Variants in DSCAM observed in about 807,000 individuals in gnomAD.
DSCAM encodes the protein cell adhesion molecule DSCAM.
In DSCAM, 47 loss-of-function variants were observed where a neutral mutation model predicts 217.7. That is an observed-to-expected ratio of 0.22 (90% CI 0.17 to 0.28). The LOEUF (loss-of-function observed/expected upper bound fraction) is 0.28. DSCAM is among the 10% of genes least tolerant of loss of function. The probability of loss-of-function intolerance (pLI) is 1.00; values close to 1 mark genes in which losing one functional copy is unlikely to be tolerated. For missense variants in DSCAM, 2,080 were observed against 2,618.3 expected (o/e 0.79, Z 4.49); for synonymous variants, 1,056 against 1,015.3 (o/e 1.04, Z -0.76).
chr21:40,339,150 G>A lies in DSCAM; in HGVS notation c.1476C>T (p.Val492=), dbSNP rs1345012604. ...YRCTANNSAG[V]VLYQARINVR... The stretch of plus-strand genomic sequence containing the variant: ...CGTTTATTCGAGCCTGGTACAGGAC[G>A]ACTCCCGCCGAGTTGTTGGCAGTGC... The change falls in exon 7 of 33, where the codon GTC becomes GTT. Residue 492 remains valine (V), a synonymous_variant. Coordinates refer to ENST00000400454, the MANE Select transcript of DSCAM (RefSeq NM_001389.5). 5.0e-6 allele frequency: 8 copies of A among 1,614,002 alleles called. No homozygotes were observed. The African/African-American group carries it at 9.3e-5, about 19-fold the overall frequency.
At chr21:40,417,090 A>T (rs2075379197) in intron 3 of DSCAM, among the ~76,000 whole-genome samples, 1 of 152,208 alleles carries the variant, frequency 6.6e-6, no homozygotes, top group South Asian at 2.1e-4. Context: ...CATTTCCAAT[A>T]TGACAACTCC....
At chr21:40,665,727 ACC>A (rs1215632020) in intron 3 of DSCAM, among the ~76,000 whole-genome samples, 1 of 152,150 alleles carries the variant, frequency 6.6e-6, no homozygotes, top group African/African-American at 2.4e-5. Flanking sequence ...CACCCTGGGC[ACC>A]CCATCTGTGC....
At chr21:40,802,364 C>T (rs1197128961) in intron 1 of DSCAM, among the ~76,000 whole-genome samples, 1 of 152,180 alleles carries the variant, frequency 6.6e-6, no homozygotes, top group Non-Finnish European at 1.5e-5. Context: ...TTCACAGACT[C>T]ACAGATGAGA....
intron 10 of DSCAM, among the ~76,000 whole-genome samples, chr21:40,291,124 T>A (rs1253275276): frequency 6.6e-6 from 1 of 152,142 alleles, no homozygotes; most frequent in Admixed American, 6.5e-5. Flanking sequence ...TGCCTGGGGT[T>A]CTCCCCTTTT....
rs547837646 is a variant in DSCAM at position 40,489,399 on chromosome 21, A to G, written c.509-120154T>C. Among the ~76,000 whole-genome samples the G allele has an allele frequency of 1.4e-4, 21 of 152,198 alleles. 1 individual carries two copies. In the South Asian group the frequency reaches 4.4e-3, roughly 32 times the overall value. Reference sequence around the variant, plus strand: ...ACATTTGCTCTTCTCAAGGTCTCCAACCTCTTGGCCCACCCTGCAGATTCT... The same window carrying G: ...ACATTTGCTCTTCTCAAGGTCTCCAGCCTCTTGGCCCACCCTGCAGATTCT... On this transcript the variant is annotated intron_variant, in intron 3 of 32. Transcript: ENST00000400454.
intron 11 of DSCAM, among the ~76,000 whole-genome samples, chr21:40,204,747 T>C (rs1601438730): frequency 6.6e-6 from 1 of 152,210 alleles, no homozygotes; most frequent in Non-Finnish European, 1.5e-5. Context: ...AACTGAACTG[T>C]AGTATTAATG....
intron 9 of DSCAM, among the ~76,000 whole-genome samples, chr21:40,300,460 T>C (rs975814674): frequency 6.6e-6 from 1 of 152,218 alleles, no homozygotes; most frequent in African/African-American, 2.4e-5. Context: ...AGCCCCTCTG[T>C]CCACCCGGCT....
intron 3 of DSCAM, among the ~76,000 whole-genome samples, chr21:40,491,947 C>G (rs2146013805): frequency 6.6e-6 from 1 of 152,294 alleles, no homozygotes; most frequent in Non-Finnish European, 1.5e-5. Flanking sequence ...AACATTTGAT[C>G]ATACTATGTA....
At chr21:40,771,662 C>A (rs1478803067) in intron 1 of DSCAM, among the ~76,000 whole-genome samples, 3 of 152,140 alleles carry the variant, frequency 2.0e-5, no homozygotes, top group Non-Finnish European at 1.5e-5. Flanking sequence ...CAAGAGCCAG[C>A]GAAAGGAAGT....
At chr21:40,627,314 G>A (rs907628042) in intron 3 of DSCAM, among the ~76,000 whole-genome samples, 2 of 152,190 alleles carry the variant, frequency 1.3e-5, no homozygotes, top group African/African-American at 2.4e-5. Flanking sequence ...TAAAAATTAT[G>A]TAGCATTAGA....
At chr21:40,263,769 G>T (rs1473819040) in intron 11 of DSCAM, among the ~76,000 whole-genome samples, 2 of 151,860 alleles carry the variant, frequency 1.3e-5, no homozygotes, top group Non-Finnish European at 2.9e-5. Context: ...ACAACAAGGA[G>T]GTTATTTGAA....
At chr21:40,062,769 C>G (rs2089142838) in intron 28 of DSCAM, 100 bp downstream of exon 28, 2 of 1,108,734 alleles carry the variant, frequency 1.8e-6, no homozygotes, top group Non-Finnish European at 2.5e-6. Context: ...AAGACATTAT[C>G]AATTTCAGAC....
intron 3 of DSCAM, among the ~76,000 whole-genome samples, chr21:40,562,640 G>C (rs2076729374): frequency 6.6e-6 from 1 of 152,172 alleles, no homozygotes; most frequent in Non-Finnish European, 1.5e-5. Flanking sequence ...ATTAGAAAGT[G>C]ATCAGAGATT....
chr21:40,185,517 T>C (rs994590579), intron 14 of DSCAM, among the ~76,000 whole-genome samples: 2 of 151,930 alleles, frequency 1.3e-5, no homozygotes, highest in Non-Finnish European at 2.9e-5. Flanking sequence ...GTAGGAGAGG[T>C]CTCCTGTGTG....
chr21:40,684,180 G>C (rs565594273), intron 3 of DSCAM, among the ~76,000 whole-genome samples: 1 of 151,828 alleles, frequency 6.6e-6, no homozygotes, highest in Non-Finnish European at 1.5e-5. Context: ...AGCCGAGATC[G>C]CGTCACTGCA....
chr21:40,396,825 C>G (rs2075183014), intron 3 of DSCAM, among the ~76,000 whole-genome samples: 1 of 152,010 alleles, frequency 6.6e-6, no homozygotes, highest in African/African-American at 2.4e-5. Context: ...AGAAATTGAC[C>G]CTCCCAGTCT....
chr21:40,495,266 A>G (rs1236697778), intron 3 of DSCAM, among the ~76,000 whole-genome samples: 4 of 152,154 alleles, frequency 2.6e-5, no homozygotes, highest in African/African-American at 9.7e-5. Context: ...GCCAGACAAG[A>G]ACACTCTAAG....
chr21:40,315,792 T>C (rs544098705), intron 8 of DSCAM, among the ~76,000 whole-genome samples: 1 of 152,306 alleles, frequency 6.6e-6, no homozygotes, highest in Admixed American at 6.5e-5. Flanking sequence ...AACATCTTAT[T>C]TTAAATCATT....
At chr21:40,266,638 TATATATATATATATATATA>T (rs543722236) in intron 11 of DSCAM, among the ~76,000 whole-genome samples, 4,781 of 106,658 alleles carry the variant, frequency 0.045, 386 homozygotes, top group East Asian at 0.26. Flanking sequence ...AGATGTTTTA[TATATATATATATATATATA>T]TATATATATA....
Sources: allele counts gnomAD v4.1 joint callset (sites outside exome capture counted in the v4.1 genomes callset), GRCh38; gene constraint gnomAD v4.1.1; transcripts MANE v1.5; gene names NCBI Gene and HGNC (gene_info 2026-07-23, HGNC 2026-07-21).